Variants in XRCC4 observed in about 807,000 individuals in gnomAD.
XRCC4 encodes the protein DNA repair protein XRCC4.
In XRCC4, 28 loss-of-function variants were observed where a neutral mutation model predicts 39.1. That is an observed-to-expected ratio of 0.72 (90% CI 0.53 to 0.98). The LOEUF (loss-of-function observed/expected upper bound fraction) is 0.98, where lower values mean the gene tolerates loss of function less well. Among genes scored for constraint, XRCC4 ranks in the 50% least tolerant of loss-of-function variants. The probability of loss-of-function intolerance (pLI) is 0.00; values close to 1 mark genes in which losing one functional copy is unlikely to be tolerated. For synonymous variants in XRCC4, 123 were observed against 126.4 expected, an observed-to-expected ratio of 0.97 and a Z score of 0.18; for missense variants, 350 against 376.4, an observed-to-expected ratio of 0.93 and a Z score of 0.58.
chr5:83,118,983 A>G (rs1310278912), intron 3 of XRCC4, among the ~76,000 whole-genome samples: 1 of 152,204 alleles, frequency 6.6e-6, no homozygotes, highest in African/African-American at 2.4e-5. Context: ...ATATTTTAGA[A>G]GTTTTATTTA....
chr5:83,358,727 C>A (rs1383601925), downstream of XRCC4, among the ~76,000 whole-genome samples: 1 of 152,170 alleles, frequency 6.6e-6, no homozygotes, highest in African/African-American at 2.4e-5. Context: ...TTAGAAATAA[C>A]ATAACTAGTC....
Position 83,277,282 on chromosome 5 carries a change from G to A in XRCC4, c.893+18605G>A, listed in dbSNP as rs374462113. Among the ~76,000 whole-genome samples the A allele has an allele frequency of 3.9e-4, 59 of 152,294 alleles. No individual in the cohort carries two copies. In the East Asian group the frequency reaches 4.8e-3, roughly 12 times the overall value. On this transcript the variant is annotated intron_variant, in intron 7 of 7. Transcript: ENST00000396027. Reference sequence around the variant, plus strand: ...GATGAAATTGCACTTCACAGCTATCGTTGAGTAAGACTATATTAGTTCTTG... The same window carrying A: ...GATGAAATTGCACTTCACAGCTATCATTGAGTAAGACTATATTAGTTCTTG...
chr5:83,290,552 G>A (rs1270467973), intron 7 of XRCC4, among the ~76,000 whole-genome samples: 1 of 151,694 alleles, frequency 6.6e-6, no homozygotes, highest in Non-Finnish European at 1.5e-5. Flanking sequence ...AAACATACTA[G>A]TAAGGCCCAA....
chr5:83,355,579 G>C (rs567599348), downstream of XRCC4, among the ~76,000 whole-genome samples: 1 of 152,284 alleles, frequency 6.6e-6, no homozygotes, highest in East Asian at 1.9e-4. Flanking sequence ...TATTCAGAAA[G>C]CTCAAGTACT....
intron 3 of XRCC4, among the ~76,000 whole-genome samples, chr5:83,176,964 T>C (rs1333736434): frequency 6.6e-6 from 1 of 152,148 alleles, no homozygotes; most frequent in Non-Finnish European, 1.5e-5. Flanking sequence ...TGCATCATAA[T>C]CTATTTTTAG....
At chr5:83,122,497 C>T (rs1159917138) in intron 3 of XRCC4, among the ~76,000 whole-genome samples, 5 of 152,078 alleles carry the variant, frequency 3.3e-5, no homozygotes, top group Non-Finnish European at 5.9e-5. Context: ...TTATCTGATC[C>T]AGAATGTCAG....
At chr5:83,180,055 C>A (rs1750138654) in intron 3 of XRCC4, among the ~76,000 whole-genome samples, 1 of 152,168 alleles carries the variant, frequency 6.6e-6, no homozygotes, top group Admixed American at 6.5e-5. Context: ...AATAAGATTG[C>A]TCAGAGAAGC....
At chr5:83,187,767 G>A (rs961811839) in intron 3 of XRCC4, among the ~76,000 whole-genome samples, 11 of 152,140 alleles carry the variant, frequency 7.2e-5, no homozygotes, top group East Asian at 1.9e-4. Flanking sequence ...TGGTGTATCC[G>A]TACTGCCCAG....
chr5:83,257,751 A>G (rs1351962533), intron 6 of XRCC4, among the ~76,000 whole-genome samples: 1 of 152,122 alleles, frequency 6.6e-6, no homozygotes, highest in East Asian at 1.9e-4. Flanking sequence ...TGTTTATTGC[A>G]GCTCTATTTA....
intron 6 of XRCC4, among the ~76,000 whole-genome samples, chr5:83,229,780 T>C (rs1752430946): frequency 6.6e-6 from 1 of 151,586 alleles, no homozygotes. Context: ...AATATGGTAG[T>C]TGATATGCAG....
chr5:83,119,312 G>A (rs938640349), intron 3 of XRCC4, among the ~76,000 whole-genome samples: 2 of 152,174 alleles, frequency 1.3e-5, no homozygotes, highest in African/African-American at 4.8e-5. Context: ...TTGTTTGAAT[G>A]CCTGAAAAGG....
At chr5:83,303,671 T>C (rs573028213) in intron 7 of XRCC4, among the ~76,000 whole-genome samples, 2 of 152,216 alleles carry the variant, frequency 1.3e-5, no homozygotes, top group Non-Finnish European at 2.9e-5. Context: ...TACTGTATAA[T>C]GTAGTAAAAA....
At chr5:83,197,519 A>G (rs918024470) in intron 4 of XRCC4, among the ~76,000 whole-genome samples, 3 of 152,170 alleles carry the variant, frequency 2.0e-5, no homozygotes, top group Non-Finnish European at 4.4e-5. Context: ...ATCAGTATTC[A>G]ACACCACTCC....
chr5:83,312,872 A>G (rs1755752031), intron 7 of XRCC4, among the ~76,000 whole-genome samples: 1 of 152,110 alleles, frequency 6.6e-6, no homozygotes, highest in Admixed American at 6.6e-5. Flanking sequence ...TGAGGAACTG[A>G]TTTTTCTTAG....
intron 7 of XRCC4, among the ~76,000 whole-genome samples, chr5:83,288,348 T>G (rs1754803506): frequency 6.6e-6 from 1 of 151,946 alleles, no homozygotes. Context: ...CCATATCAGT[T>G]ACTGAAAGCA....
intron 6 of XRCC4, among the ~76,000 whole-genome samples, chr5:83,255,134 G>A (rs1239059297): frequency 6.6e-6 from 1 of 151,834 alleles, no homozygotes; most frequent in African/African-American, 2.4e-5. Flanking sequence ...TGTTCGAGAT[G>A]AGCAATTTAA....
chr5:83,238,483 G>A lies in XRCC4; in HGVS notation c.746-20047G>A, dbSNP rs16900256. On this transcript the variant is annotated intron_variant, in intron 6 of 7. Coordinates refer to ENST00000396027, the MANE Select transcript of XRCC4 (RefSeq NM_003401.5). ...TTCTAATTATTTTAATGTTTATCTC[G>A]GTCAGTAGATGTTATTAAATGCACA... 2.9e-3 allele frequency among the ~76,000 whole-genome samples: 438 copies of A among 152,136 alleles called. 12 individuals carry two copies. The East Asian group carries it at 0.072, about 25-fold the overall frequency.
chr5:83,371,185 T>C, the XRCC4 span, among the ~76,000 whole-genome samples: 1 of 152,164 alleles, frequency 6.6e-6, no homozygotes, highest in Admixed American at 6.5e-5. Flanking sequence ...TCTGGCTAAT[T>C]CCTATTTGTT....
At position 83,200,928 on chromosome 5, in the gene XRCC4, TTAAAA is replaced by T. The variant is rs555209674; in HGVS notation, c.483-2619_483-2615del. On this transcript the variant is annotated intron_variant, in intron 4 of 7. Transcript: ENST00000396027. The stretch of plus-strand genomic sequence containing the variant: ...TATAAATGTAGTGACATGTCTTTGC[TTAAAA>T]TAAACTATCAATATTGCTAGCTCCT... Among the ~76,000 whole-genome samples, 377 of 152,316 alleles carry T rather than the reference TTAAAA, an allele frequency of 2.5e-3. 1 individual carries two copies. Among genetic ancestry groups the T allele is most frequent in the Admixed American group, 5.6e-3 (85 of 15,304 alleles).
Sources: allele counts gnomAD v4.1 joint callset (sites outside exome capture counted in the v4.1 genomes callset), GRCh38; gene constraint gnomAD v4.1.1; transcripts MANE v1.5; gene names NCBI Gene and HGNC (gene_info 2026-07-23, HGNC 2026-07-21).